The following CCDC148 variants were observed in gnomAD, a reference collection of about 807,000 sequenced individuals.
CCDC148 encodes coiled-coil domain containing 148, also known as coiled-coil domain-containing protein 148.
A neutral mutation model predicts 85.7 loss-of-function variants in CCDC148; 89 were observed. The observed-to-expected ratio is 1.04, with a 90% CI of 0.87 to 1.24. CCDC148 has a LOEUF of 1.24. Ranked by LOEUF, CCDC148 falls within the 50% of genes most tolerant of loss-of-function variation. The pLI, the probability that CCDC148 is intolerant of heterozygous loss-of-function variation, is 0.00. For synonymous variants in CCDC148, 230 were observed against 213.9 expected (o/e 1.08, Z -0.66); for missense variants, 692 against 671.7 (o/e 1.03, Z -0.33).
chr2:158,411,546 C>A (rs1380165142), intron 1 of CCDC148, among the ~76,000 whole-genome samples: 1 of 152,010 alleles, frequency 6.6e-6, no homozygotes, highest in Non-Finnish European at 1.5e-5. Flanking sequence ...ATTGTTATTT[C>A]TATTCCTTTG....
intron 9 of CCDC148, among the ~76,000 whole-genome samples, chr2:158,257,512 A>G (rs990904058): frequency 6.6e-6 from 1 of 151,872 alleles, no homozygotes; most frequent in Non-Finnish European, 1.5e-5. Flanking sequence ...CATGAAATAT[A>G]GTACCTGTGA....
rs541936904 is a variant in CCDC148, at chr2:158,306,503, A to G, written c.1110+2930T>C. Among the ~76,000 whole-genome samples the G allele has an allele frequency of 2.6e-5, 4 of 152,318 alleles. No individual in the cohort carries two copies. In the East Asian group the frequency reaches 7.7e-4, roughly 29 times the overall value. On this transcript the variant is annotated intron_variant, in intron 9 of 13. Transcript: ENST00000283233. Reference sequence around the variant, plus strand: ...CCATGGAATACTATGCAGCCATAAAAAAGGATGAGTTCATGTCCTTTGTAG... The same window carrying G: ...CCATGGAATACTATGCAGCCATAAAGAAGGATGAGTTCATGTCCTTTGTAG...
chr2:158,436,026 T>C (rs1312986111), intron 1 of CCDC148, among the ~76,000 whole-genome samples: 1 of 152,126 alleles, frequency 6.6e-6, no homozygotes, highest in East Asian at 1.9e-4. Flanking sequence ...ACAATAATAA[T>C]GGGAGACTTT....
chr2:158,449,506 G>A (rs1441560631), intron 1 of CCDC148, among the ~76,000 whole-genome samples: 2 of 151,474 alleles, frequency 1.3e-5, no homozygotes, highest in Non-Finnish European at 2.9e-5. Context: ...GGAGTGCAGT[G>A]GTAGGATCTC....
intron 1 of CCDC148, among the ~76,000 whole-genome samples, chr2:158,426,410 A>ATC (rs1253417813): frequency 1.1e-4 from 17 of 152,190 alleles, no homozygotes; most frequent in Non-Finnish European, 1.6e-4. Flanking sequence ...GTTAGTGAAT[A>ATC]AACTTGAGTA....
At chr2:158,242,618 G>T (rs942172596) in intron 10 of CCDC148, among the ~76,000 whole-genome samples, 1 of 142,806 alleles carries the variant, frequency 7.0e-6, no homozygotes, top group Non-Finnish European at 1.5e-5. Flanking sequence ...TTCCACATCT[G>T]CTACCCACTC....
intron 7 of CCDC148, among the ~76,000 whole-genome samples, chr2:158,323,919 CTTTTTTTTTTTTTTT>C (rs777356867): frequency 1.2e-5 from 1 of 82,946 alleles, no homozygotes; most frequent in African/African-American, 4.2e-5. Flanking sequence ...CTGGGAATAA[CTTTTTTTTTTTTTTT>C]TTTTTTTTTT....
intron 8 of CCDC148, among the ~76,000 whole-genome samples, chr2:158,311,626 A>T (rs1407274181): frequency 6.6e-6 from 1 of 152,216 alleles, no homozygotes; most frequent in African/African-American, 2.4e-5. Flanking sequence ...ATAATTTTTT[A>T]AATACGCCAT....
chr2:158,329,934 T>C (rs1009063863), intron 7 of CCDC148, among the ~76,000 whole-genome samples: 7 of 152,108 alleles, frequency 4.6e-5, no homozygotes, highest in African/African-American at 1.7e-4. Flanking sequence ...TTTCTAGATA[T>C]AAAATATGTC....
intron 11 of CCDC148, among the ~76,000 whole-genome samples, chr2:158,193,101 C>T (rs545354681): frequency 6.6e-6 from 1 of 152,180 alleles, no homozygotes; most frequent in South Asian, 2.1e-4. Flanking sequence ...TTTGAATATA[C>T]ATCTTTCTGA....
Position 158,451,253 on chromosome 2 carries a change from A to G in CCDC148, c.25+5162T>C, listed in dbSNP as rs1419714483. 2.0e-5 allele frequency among the ~76,000 whole-genome samples: 3 copies of G among 152,324 alleles called. No homozygotes were observed. In the East Asian group the frequency reaches 5.8e-4, roughly 29 times the overall value. On this transcript the variant is annotated intron_variant, in intron 1 of 13. Transcript: ENST00000283233. ...TTTGAATTAGTTGTATACTAAATCC[A>G]ACAAGTGGGGTCACTTAGAGTATCT...
intron 9 of CCDC148, among the ~76,000 whole-genome samples, chr2:158,282,540 A>G (rs1195126155): frequency 6.6e-6 from 1 of 152,208 alleles, no homozygotes; most frequent in East Asian, 1.9e-4. Context: ...TGCTTCAAAG[A>G]GAATAAAATA....
chr2:158,403,308 T>C (rs1685863552), intron 1 of CCDC148, among the ~76,000 whole-genome samples: 1 of 151,994 alleles, frequency 6.6e-6, no homozygotes, highest in South Asian at 2.1e-4. Context: ...GATTGAAGAA[T>C]ACAGTTTGTA....
At chr2:158,213,993 G>C (rs950646547) in intron 11 of CCDC148, among the ~76,000 whole-genome samples, 1 of 151,920 alleles carries the variant, frequency 6.6e-6, no homozygotes, top group Non-Finnish European at 1.5e-5. Context: ...GGTGGGGTAG[G>C]GGGAGGGGGA....
chr2:158,277,008 T>A (rs1689979514), intron 9 of CCDC148, among the ~76,000 whole-genome samples: 1 of 152,246 alleles, frequency 6.6e-6, no homozygotes, highest in Admixed American at 6.5e-5. Context: ...GCATTTTACA[T>A]GCAAATCACA....
At chr2:158,448,719 A>G (rs1398067922) in intron 1 of CCDC148, among the ~76,000 whole-genome samples, 1 of 152,168 alleles carries the variant, frequency 6.6e-6, no homozygotes, top group Non-Finnish European at 1.5e-5. Flanking sequence ...ATGACATTTA[A>G]TCTATAGATT....
chr2:158,408,122 T>A (rs1686103160), intron 1 of CCDC148, among the ~76,000 whole-genome samples: 1 of 152,128 alleles, frequency 6.6e-6, no homozygotes, highest in Admixed American at 6.5e-5. Context: ...ACAAATGAAA[T>A]TATAAATATT....
chr2:158,314,289 G>A (rs2105214969), intron 7 of CCDC148, among the ~76,000 whole-genome samples: 1 of 152,298 alleles, frequency 6.6e-6, no homozygotes, highest in South Asian at 2.1e-4. Context: ...CTAAACTGGA[G>A]AAAAGTATAA....
intron 11 of CCDC148, among the ~76,000 whole-genome samples, chr2:158,187,311 C>T (rs1401684685): frequency 2.0e-5 from 3 of 151,974 alleles, no homozygotes; most frequent in African/African-American, 7.3e-5. Flanking sequence ...CTCTCTCTCT[C>T]TCTAACCAAC....
Sources: gnomAD v4.1 joint callset for allele counts (sites outside exome capture counted in the v4.1 genomes callset) on GRCh38, gnomAD v4.1.1 for gene constraint, MANE v1.5 for transcripts, NCBI Gene and HGNC (gene_info 2026-07-23, HGNC 2026-07-21) for gene names.